PITPNC1: variants seen among roughly 807,000 people sequenced by gnomAD.
The protein encoded by PITPNC1 is cytoplasmic phosphatidylinositol transfer protein 1.
A neutral mutation model predicts 44.7 loss-of-function variants in PITPNC1; 18 were observed. That is an observed-to-expected ratio of 0.40 (90% CI 0.28 to 0.60). The LOEUF (loss-of-function observed/expected upper bound fraction) is 0.60. Ranked by LOEUF, PITPNC1 falls within the 20% of genes least tolerant of loss-of-function variation. The probability of loss-of-function intolerance (pLI) is 0.39; values close to 1 mark genes in which losing one functional copy is unlikely to be tolerated. For missense variants in PITPNC1, 290 were observed against 418.4 expected (o/e 0.69, Z 2.68); for synonymous variants, 141 against 149.6 (o/e 0.94, Z 0.42).
chr17:67,550,120 C>T (rs945294338), intron 2 of PITPNC1, among the ~76,000 whole-genome samples: 16 of 152,134 alleles, frequency 1.1e-4, no homozygotes, highest in African/African-American at 3.6e-4. Context: ...AAACCCCATC[C>T]TTTTGAGCAG....
intron 6 of PITPNC1, among the ~76,000 whole-genome samples, chr17:67,652,383 C>G (rs941341749): frequency 6.6e-6 from 1 of 152,116 alleles, no homozygotes; most frequent in Non-Finnish European, 1.5e-5. Context: ...TGTCCCAGTG[C>G]GAGATGGATG....
rs1170546549 is a variant in PITPNC1, at chr17:67,567,518, G to A, written c.295-10668G>A. Reference sequence around the variant, plus strand: ...AAGAAATACCTGGGCGACGAGACGTGCTATCAAGGAGGTGGGGAAGTTGGA... The same window carrying A: ...AAGAAATACCTGGGCGACGAGACGTACTATCAAGGAGGTGGGGAAGTTGGA... On this transcript the variant is annotated intron_variant, in intron 4 of 8. Transcript: ENST00000581322. 5.3e-5 allele frequency among the ~76,000 whole-genome samples: 8 copies of A among 151,566 alleles called. No homozygotes were observed. The South Asian group carries it at 1.5e-3, about 28-fold the overall frequency.
Position 67,552,257 on chromosome 17 carries a change from C to G in PITPNC1, c.198C>G (p.Ser66Arg). ...QFTEKRVYLN[S>R]KLPSWARAVV... Reference sequence around the variant, plus strand: ...GTCTTTTTTCTTTCTTTCCTCTTAGCAAACTGCCTAGTTGGGCTAGAGCTG... The same window carrying G: ...GTCTTTTTTCTTTCTTTCCTCTTAGGAAACTGCCTAGTTGGGCTAGAGCTG... Residue 66 changes from serine (S) to arginine (R), a missense_variant and splice_region_variant, in exon 3 of 9, where the codon AGC (serine) becomes AGG (arginine). Transcript: ENST00000581322. 6.4e-7 allele frequency: 1 copy of G among 1,553,708 alleles called. No individual in the cohort carries two copies. The highest frequency in any genetic ancestry group is 1.1e-5 in the South Asian group (1 of 89,850).
chr17:67,629,238 C>CTGTATGTGTGTGTGTGTGTGTG (rs2041934112), intron 5 of PITPNC1, among the ~76,000 whole-genome samples: 4 of 131,230 alleles, frequency 3.0e-5, no homozygotes, highest in Non-Finnish European at 6.4e-5. Flanking sequence ...CTGGGGTATT[C>CTGTATGTGTGTGTGTGTGTGTG]TGTGTGTGTG....
chr17:67,419,414 C>T (rs944480421), intron 1 of PITPNC1, among the ~76,000 whole-genome samples: 3 of 152,078 alleles, frequency 2.0e-5, no homozygotes, highest in African/African-American at 7.2e-5. Flanking sequence ...GTTGCAGTGC[C>T]AGGCTCGAGG....
intron 4 of PITPNC1, among the ~76,000 whole-genome samples, chr17:67,554,825 A>C (rs1460799272): frequency 6.6e-6 from 1 of 152,246 alleles, no homozygotes; most frequent in Non-Finnish European, 1.5e-5. Context: ...ACTCACTGCC[A>C]GAATTCCTAA....
intron 2 of PITPNC1, among the ~76,000 whole-genome samples, chr17:67,546,208 A>G (rs1326179281): frequency 8.0e-6 from 1 of 124,352 alleles, no homozygotes; most frequent in African/African-American, 3.0e-5. Flanking sequence ...AACAAAAACA[A>G]AACAGTATAT....
Position 67,390,138 on chromosome 17 carries a change from G to A in PITPNC1, c.48+11936G>A, listed in dbSNP as rs111985618. ...TACGGTCCCCGTCCATAAGGAGATG[G>A]CTCTGGTTGTCTTGAATTTAGACAG... On this transcript the variant is annotated intron_variant, in intron 1 of 8. Transcript: ENST00000581322. Among the ~76,000 whole-genome samples, 5 of 152,296 alleles carry A rather than the reference G, an allele frequency of 3.3e-5. 1 individual carries two copies. The highest frequency in any genetic ancestry group is 1.2e-4 in the African/African-American group (5 of 41,554).
chr17:67,503,291 T>TA (rs201069893), intron 1 of PITPNC1, among the ~76,000 whole-genome samples: 4,493 of 151,924 alleles, frequency 0.03, 118 homozygotes, highest in African/African-American at 0.075. Context: ...TAGGACTGGG[T>TA]AAAAGGTGGT....
chr17:67,417,765 G>T (rs2038609371), intron 1 of PITPNC1, among the ~76,000 whole-genome samples: 1 of 152,082 alleles, frequency 6.6e-6, no homozygotes, highest in Admixed American at 6.6e-5. Context: ...AATGGGGGCT[G>T]GGTGCGGTGG....
At chr17:67,516,125 G>T (rs562665968) in intron 1 of PITPNC1, among the ~76,000 whole-genome samples, 13 of 152,236 alleles carry the variant, frequency 8.5e-5, no homozygotes, top group Admixed American at 2.0e-4. Context: ...CCTTGGCTCT[G>T]CTCTCTCATC....
chr17:67,429,566 C>T (rs113871573), intron 1 of PITPNC1, among the ~76,000 whole-genome samples: 5 of 152,052 alleles, frequency 3.3e-5, no homozygotes, highest in Middle Eastern at 3.4e-3. Flanking sequence ...GGCGTGGTGG[C>T]GATTGCCTAT....
chr17:67,454,610 C>T (rs1027659604), intron 1 of PITPNC1, among the ~76,000 whole-genome samples: 21 of 151,964 alleles, frequency 1.4e-4, no homozygotes, highest in Non-Finnish European at 2.6e-4. Flanking sequence ...GAATTATTGC[C>T]GTTTACTTTA....
Position 67,532,917 on chromosome 17 carries a change from G to A in PITPNC1, c.164G>A (p.Gly55Glu). ...EPFEDPHHGN[G>E]QFTEKRVYLN... ...TTTGAGGACCCTCACCATGGCAATG[G>A]GCAGTTCACCGAGAAGCGGGTGTAT... The change falls in exon 2 of 9, where the codon GGG becomes GAG. Residue 55 changes from glycine to glutamate, a missense_variant. By Grantham distance (98) the Gly-to-Glu change is moderately conservative (BLOSUM62 -2). Transcript: ENST00000581322. 1 of 1,611,066 alleles carries A rather than the reference G, an allele frequency of 6.2e-7. No homozygotes were observed. The highest frequency in any genetic ancestry group is 1.1e-5 in the South Asian group (1 of 90,076).
At chr17:67,631,643 A>T (rs1176119518) in intron 5 of PITPNC1, among the ~76,000 whole-genome samples, 10 of 8,242 alleles carry the variant, frequency 1.2e-3, no homozygotes, top group East Asian at 7.7e-3. Flanking sequence ...ACCAAAAAAA[A>T]AAAAAAAAAA....
At chr17:67,392,091 C>G (rs1426621596) in intron 1 of PITPNC1, among the ~76,000 whole-genome samples, 1 of 152,154 alleles carries the variant, frequency 6.6e-6, no homozygotes, top group Non-Finnish European at 1.5e-5. Context: ...GCATCATCAG[C>G]AGAGATGTTA....
chr17:67,484,162 C>G (rs943349323), intron 1 of PITPNC1, among the ~76,000 whole-genome samples: 1 of 152,108 alleles, frequency 6.6e-6, no homozygotes, highest in Non-Finnish European at 1.5e-5. Context: ...AGATGATCCG[C>G]CTGCCTTGGC....
At chr17:67,680,804 G>A (rs781219889) in intron 8 of PITPNC1, among the ~76,000 whole-genome samples, 21 of 152,160 alleles carry the variant, frequency 1.4e-4, no homozygotes, top group Non-Finnish European at 3.1e-4. Flanking sequence ...CTCAAAGGAT[G>A]GCTACCATTT....
chr17:67,512,511 A>ACAAACAAAC, intron 1 of PITPNC1, among the ~76,000 whole-genome samples: 1 of 150,810 alleles, frequency 6.6e-6, no homozygotes, highest in East Asian at 1.9e-4. Flanking sequence ...AAAAAAAAAA[A>ACAAACAAAC]AAAAAAAAAA....
Sources: gnomAD v4.1 joint callset for allele counts (sites outside exome capture counted in the v4.1 genomes callset) on GRCh38, gnomAD v4.1.1 for gene constraint, MANE v1.5 for transcripts, NCBI Gene and HGNC (gene_info 2026-07-23, HGNC 2026-07-21) for gene names.